Variants in POP1 observed in about 807,000 individuals in gnomAD.
The protein encoded by POP1 is POP1 ribonuclease P/MRP subunit.
Under a neutral mutation model 102.2 loss-of-function variants are expected in POP1, and 75 were observed. That is an observed-to-expected ratio of 0.73 (90% CI 0.61 to 0.89). POP1 has a LOEUF of 0.89. Ranked by LOEUF, POP1 falls within the 40% of genes least tolerant of loss-of-function variation. The probability of loss-of-function intolerance (pLI) is 0.00; values close to 1 mark genes in which losing one functional copy is unlikely to be tolerated. For missense variants in POP1, 1,116 were observed against 1,267.4 expected, an observed-to-expected ratio of 0.88 and a Z score of 1.81; for synonymous variants, 436 against 464.1, an observed-to-expected ratio of 0.94 and a Z score of 0.78.
At chr8:98,136,455 A>T (rs1001085737) in intron 7 of POP1, 27 bp from the exon 8 acceptor site, 30 of 1,582,604 alleles carry the variant, frequency 1.9e-5, no homozygotes, top group Non-Finnish European at 2.6e-5. Context: ...TCAAGATTTT[A>T]AAGTGAATGT....
At position 98,117,300 on chromosome 8, in the gene POP1, C is replaced by G; in HGVS notation, c.-93C>G. The G allele has an allele frequency of 1.7e-6, 1 of 598,152 alleles. No homozygotes were observed. The highest frequency in any genetic ancestry group is 3.0e-6 in the Non-Finnish European group (1 of 337,700). The allele number at this position is 598,152 out of a possible 1,614,324, so 37.1% of individuals were successfully genotyped here. ...AAGCGCCCGGTCTGGCGCATGCGCT[C>G]TCCAGCGCGCTCTCCAGGAGCTTTG... On this transcript the variant is annotated 5_prime_UTR_variant, in exon 1 of 16. Transcript: ENST00000401707.
At chr8:98,127,512 G>A in intron 2 of POP1, 83 bp from the exon 3 acceptor site, 2 of 1,531,110 alleles carry the variant, frequency 1.3e-6, no homozygotes, top group Non-Finnish European at 1.8e-6. Context: ...CATGGTCAAT[G>A]TTGCCACCCA....
At chr8:98,127,794 G>A (rs1677849392) in intron 3 of POP1, 32 bp downstream of exon 3, 3 of 1,609,414 alleles carry the variant, frequency 1.9e-6, no homozygotes, top group Non-Finnish European at 8.5e-7. Context: ...CAGTTTGCTT[G>A]TATTTTGAAC....
chr8:98,131,730 G>A (rs1445709969), intron 5 of POP1, among the ~76,000 whole-genome samples: 1 of 152,112 alleles, frequency 6.6e-6, no homozygotes, highest in Non-Finnish European at 1.5e-5. Context: ...ATTCCCACCA[G>A]CAATACACAA....
Position 98,148,885 on chromosome 8 carries a change from A to C in POP1, c.1781A>C (p.Lys594Thr), listed in dbSNP as rs760481334. 1 of 1,613,966 alleles carries C rather than the reference A, an allele frequency of 6.2e-7. No individual in the cohort carries two copies. Residue 594 changes from lysine to threonine, a missense_variant, in exon 13 of 16, where the codon AAG (lysine) becomes ACG (threonine). By Grantham distance (78) the Lys-to-Thr change is moderately conservative. Coordinates refer to ENST00000401707, the MANE Select transcript of POP1 (RefSeq NM_001145860.2). ...SQLILGPHESKIPILLIQQPG... is the reference protein window; with the variant it reads ...SQLILGPHESTIPILLIQQPG... ...CTTATTTTAGGTCCCCATGAATCCA[A>C]GATACCTATACTTTTGATTCAGCAG... is the stretch of plus-strand genomic sequence containing the variant.
rs1809726063 is a variant in POP1 at position 98,158,743 on chromosome 8, T to C, written c.*472T>C. 6.3e-6 allele frequency: 1 copy of C among 159,190 alleles called. No individual in the cohort carries two copies. Among genetic ancestry groups the C allele is most frequent in the Non-Finnish European group, 1.4e-5 (1 of 72,588 alleles). The allele number at this position is 159,190 out of a possible 1,614,324, so 9.9% of individuals were successfully genotyped here. On this transcript the variant is annotated 3_prime_UTR_variant, in exon 16 of 16. Coordinates refer to ENST00000401707, the MANE Select transcript of POP1 (RefSeq NM_001145860.2). ...GCTCCTGATGGACCTCATTCAATTC[T>C]GTACTGTGATTTCCATGCCGAACAA...
At position 98,146,550 on chromosome 8, in the gene POP1, A is replaced by G. The variant is rs17184704; in HGVS notation, c.1595-18A>G. ...ATCTGAAGGATGTGGTTTGAAGGCT[A>G]TTTCTTTTCCCTCTTAGATAATGAG... is the stretch of plus-strand genomic sequence containing the variant. On this transcript the variant is annotated intron_variant, in intron 11 of 15. Transcript: ENST00000401707. 202,856 of 1,578,038 alleles carry G rather than the reference A, an allele frequency of 0.13. 14,027 individuals carry two copies. Among genetic ancestry groups the G allele is most frequent in the Middle Eastern group, 0.2 (1,198 of 6,008 alleles).
intron 2 of POP1, 31 bp downstream of exon 2, chr8:98,123,510 G>A (rs2130576078): frequency 6.2e-7 from 1 of 1,604,374 alleles, no homozygotes; most frequent in Non-Finnish European, 8.5e-7. Context: ...CAGGCATGGT[G>A]GCTCACGCCT....
intron 14 of POP1, among the ~76,000 whole-genome samples, chr8:98,154,600 C>G (rs1302702318): frequency 3.3e-5 from 5 of 152,184 alleles, no homozygotes; most frequent in Non-Finnish European, 7.4e-5. Flanking sequence ...GGGAAGGTGA[C>G]TGGTGGGTTA....
chr8:98,154,854 G>A lies in POP1; in HGVS notation c.2058-1196G>A, dbSNP rs115445322. Among the ~76,000 whole-genome samples, 405 of 152,292 alleles carry A rather than the reference G, an allele frequency of 2.7e-3. 5 individuals are homozygous for A. Among genetic ancestry groups the A allele is most frequent in the African/African-American group, 9.2e-3 (384 of 41,552 alleles). The stretch of plus-strand genomic sequence containing the variant: ...AAAAGAAAGAATGAGGGAGCTTTCA[G>A]TACTGGTATAAAGTAATCAAGATAT... On this transcript the variant is annotated intron_variant, in intron 14 of 15. Coordinates refer to ENST00000401707, the MANE Select transcript of POP1 (RefSeq NM_001145860.2).
chr8:98,140,008 T>A lies in POP1; in HGVS notation c.1363-70T>A, dbSNP rs1438910808. The A allele has an allele frequency of 4.9e-6, 6 of 1,231,698 alleles. No homozygotes were observed. In the East Asian group the frequency reaches 1.4e-4, roughly 29 times the overall value. 76.3% of individuals were successfully genotyped at this position (1,231,698 alleles called of 1,614,324 possible). A position where few individuals can be genotyped will look rare whatever the true frequency, so the allele number is the denominator to read the frequency against. ...GAAGAAGAAAGAGTGGGGGCTGATATCACAACCATGACAAAATTATGAAGG... is the reference window on the plus strand; with the variant it reads ...GAAGAAGAAAGAGTGGGGGCTGATAACACAACCATGACAAAATTATGAAGG... On this transcript the variant is annotated intron_variant, in intron 9 of 15. Coordinates refer to ENST00000401707, the MANE Select transcript of POP1 (RefSeq NM_001145860.2).
chr8:98,129,740 A>T (rs1390851453), intron 4 of POP1, among the ~76,000 whole-genome samples: 1 of 152,222 alleles, frequency 6.6e-6, no homozygotes, highest in Non-Finnish European at 1.5e-5. Flanking sequence ...AAACTTGCCT[A>T]GTTAGTGAGT....
At chr8:98,153,413 A>G (rs1002292508) in intron 14 of POP1, among the ~76,000 whole-genome samples, 1 of 151,982 alleles carries the variant, frequency 6.6e-6, no homozygotes, top group Non-Finnish European at 1.5e-5. Flanking sequence ...AGGAGGCAGC[A>G]TCTATTGGGA....
At chr8:98,143,744 C>G (rs62522190) in intron 11 of POP1, among the ~76,000 whole-genome samples, 34,169 of 152,116 alleles carry the variant, frequency 0.22, 4,876 homozygotes, top group African/African-American at 0.41. Context: ...CCGATAACCA[C>G]TGATCTTTTT....
At chr8:98,143,248 T>C (rs1175924585) in intron 11 of POP1, among the ~76,000 whole-genome samples, 1 of 152,252 alleles carries the variant, frequency 6.6e-6, no homozygotes, top group African/African-American at 2.4e-5. Flanking sequence ...CTGATGTGTG[T>C]GCTGACTCAG....
In POP1 at chr8:98,134,527, G is replaced by A; in HGVS notation, c.879G>A (p.Val293=). The A allele has an allele frequency of 3.7e-6, 6 of 1,614,190 alleles. No individual in the cohort carries two copies. The highest frequency in any genetic ancestry group is 4.2e-6 in the Non-Finnish European group (5 of 1,180,022). ...CTGGAAAGCGCCAAGGGAGCCTTGT[G>A]CTTTATCGGGTGAATAAATATCCCA... ...CLSGKRQGSL[V]LYRVNKYPRE... is the part of the protein sequence containing the mutation. Residue 293 remains valine (V), a synonymous_variant, in exon 7 of 16, where the codon GTG becomes GTA. Transcript: ENST00000401707.
At position 98,136,654 on chromosome 8, in the gene POP1, C is replaced by T. The variant is rs776490958; in HGVS notation, c.1184C>T (p.Pro395Leu). 20 of 1,613,026 alleles carry T rather than the reference C, an allele frequency of 1.2e-5. No homozygotes were observed. The highest frequency in any genetic ancestry group is 1.6e-5 in the Non-Finnish European group (19 of 1,179,270). ...AAAGATGATGGAGAAAATGCTAAAC[C>T]AATTAAAAAAATTATCGGTGATGGA... The part of the protein sequence containing the change: ...KRKDDGENAK[P>L]IKKIIGDGTR... The change falls in exon 8 of 16, where the codon CCA becomes CTA. Residue 395 changes from proline (P) to leucine (L), a missense_variant. By Grantham distance (98) the Pro-to-Leu change is moderately conservative (BLOSUM62 -3). Transcript: ENST00000401707.
At position 98,135,104 on chromosome 8, in the gene POP1, C is replaced by T. The variant is rs141777671; in HGVS notation, c.1011+445C>T. ...ACTAGGCTGGGCAACACGGTGAAACCCTGTCTCTGCAAAAAAGACAAAAAT... is the reference window on the plus strand; with the variant it reads ...ACTAGGCTGGGCAACACGGTGAAACTCTGTCTCTGCAAAAAAGACAAAAAT... On this transcript the variant is annotated intron_variant, in intron 7 of 15. Coordinates refer to ENST00000401707, the MANE Select transcript of POP1 (RefSeq NM_001145860.2). 2.0e-3 allele frequency among the ~76,000 whole-genome samples: 307 copies of T among 152,142 alleles called. 2 individuals carry two copies. Among genetic ancestry groups the T allele is most frequent in the South Asian group, 0.017 (80 of 4,822 alleles).
In POP1 at chr8:98,158,247, T is replaced by A. The variant is rs762458137; in HGVS notation, c.3051T>A (p.Phe1017Leu). 1.9e-5 allele frequency: 31 copies of A among 1,610,866 alleles called. No individual in the cohort carries two copies. The highest frequency in any genetic ancestry group is 2.5e-5 in the Non-Finnish European group (29 of 1,180,034). ...CTCCCGCCTCTCTGCAGTATCGATT[T>A]GCGAGGATTGCTATTGAGGTGTGAA... ...LRPPASLQYR[F>L]ARIAIEV The change falls in exon 16 of 16, where the codon TTT becomes TTA. Residue 1017 changes from phenylalanine (F) to leucine (L), a missense_variant. Transcript: ENST00000401707.
Sources: gnomAD v4.1 joint callset for allele counts (sites outside exome capture counted in the v4.1 genomes callset) on GRCh38, gnomAD v4.1.1 for gene constraint, MANE v1.5 for transcripts, NCBI Gene and HGNC (gene_info 2026-07-23, HGNC 2026-07-21) for gene names.